Variants in UBTD1 observed in about 807,000 individuals in gnomAD.
UBTD1 encodes ubiquitin domain containing 1.
UBTD1 carries 19 observed loss-of-function variants against 21.7 expected under a neutral mutation model. That is an observed-to-expected ratio of 0.87 (90% CI 0.61 to 1.28). UBTD1 has a LOEUF of 1.28. Among genes scored for constraint, UBTD1 ranks in the 50% most tolerant of loss-of-function variants. The pLI is 0.00. For missense variants in UBTD1, 282 were observed against 315.1 expected (o/e 0.89, Z 0.80); for synonymous variants, 116 against 135.1 (o/e 0.86, Z 0.98).
At chr10:97,533,700 GA>G (rs1455659965) in intron 1 of UBTD1, among the ~76,000 whole-genome samples, 1 of 152,114 alleles carries the variant, frequency 6.6e-6, no homozygotes, top group Non-Finnish European at 1.5e-5. Flanking sequence ...GAGGCGGGCA[GA>G]TCACTTGAGG....
At chr10:97,541,186 A>G (rs920240323) in intron 1 of UBTD1, among the ~76,000 whole-genome samples, 2 of 152,184 alleles carry the variant, frequency 1.3e-5, no homozygotes, top group African/African-American at 4.8e-5. Flanking sequence ...AGCATGTAAA[A>G]AAATATCTTA....
chr10:97,499,814 C>T (rs1278799954), intron 1 of UBTD1, among the ~76,000 whole-genome samples: 1 of 152,206 alleles, frequency 6.6e-6, no homozygotes, highest in East Asian at 1.9e-4. Flanking sequence ...TTTTTAGAGC[C>T]TCTCGGCCGT....
intron 1 of UBTD1, among the ~76,000 whole-genome samples, chr10:97,541,469 C>A (rs180840394): frequency 1.1e-4 from 16 of 152,154 alleles, no homozygotes; most frequent in East Asian, 3.9e-4. Context: ...CAGAGCAAGA[C>A]CCTGTCTCAA....
At chr10:97,526,134 G>A (rs2040487215) in intron 1 of UBTD1, among the ~76,000 whole-genome samples, 1 of 152,200 alleles carries the variant, frequency 6.6e-6, no homozygotes, top group African/African-American at 2.4e-5. Flanking sequence ...CGCAGTCATT[G>A]TGTTTGGGGC....
rs1290684847 is a variant in UBTD1 at position 97,528,438 on chromosome 10, G to A, written c.70+29165G>A. Among the ~76,000 whole-genome samples, 8 of 80,564 alleles carry A rather than the reference G, an allele frequency of 9.9e-5. 1 individual carries two copies. Among genetic ancestry groups the A allele is most frequent in the African/African-American group, 1.5e-4 (3 of 20,134 alleles). The allele number at this position is 80,564 out of a possible 152,430, so 52.9% of individuals were successfully genotyped here. ...TCCCTCCCGGACGGGGCGGCTGGCCGGGCAGAGGGGCTCCTCACTTCCCAG... is the reference window on the plus strand; with the variant it reads ...TCCCTCCCGGACGGGGCGGCTGGCCAGGCAGAGGGGCTCCTCACTTCCCAG... On this transcript the variant is annotated intron_variant, in intron 1 of 2. Transcript: ENST00000370664.
chr10:97,536,180 T>C (rs1474534957), intron 1 of UBTD1, among the ~76,000 whole-genome samples: 1 of 151,890 alleles, frequency 6.6e-6, no homozygotes. Context: ...TTAGTAGAGA[T>C]GGGGTTTCAC....
chr10:97,500,590 T>C (rs183992962), intron 1 of UBTD1, among the ~76,000 whole-genome samples: 3 of 152,220 alleles, frequency 2.0e-5, no homozygotes, highest in African/African-American at 7.2e-5. Context: ...GGCCCCATAA[T>C]TGATTTTGCA....
At chr10:97,527,895 C>A (rs1589872742) in intron 1 of UBTD1, among the ~76,000 whole-genome samples, 1 of 152,260 alleles carries the variant, frequency 6.6e-6, no homozygotes, top group East Asian at 1.9e-4. Context: ...CAATCTTCCA[C>A]CTTTCCCCCT....
At chr10:97,567,475 A>G (rs1272531300) in intron 1 of UBTD1, among the ~76,000 whole-genome samples, 1 of 150,892 alleles carries the variant, frequency 6.6e-6, no homozygotes, top group Non-Finnish European at 1.5e-5. Context: ...CCTGACTAAC[A>G]TGGTGAAACC....
intron 1 of UBTD1, among the ~76,000 whole-genome samples, chr10:97,510,394 C>T (rs1258166352): frequency 6.6e-6 from 1 of 152,066 alleles, no homozygotes; most frequent in African/African-American, 2.4e-5. Flanking sequence ...TTTATTATCC[C>T]AGCTCCTCCA....
At chr10:97,516,798 G>A (rs1175010157) in intron 1 of UBTD1, among the ~76,000 whole-genome samples, 3 of 151,922 alleles carry the variant, frequency 2.0e-5, no homozygotes, top group South Asian at 2.1e-4. Context: ...CCATCTCCTC[G>A]CATCTCCTAC....
chr10:97,513,268 A>T (rs1222124323), intron 1 of UBTD1, among the ~76,000 whole-genome samples: 3 of 152,210 alleles, frequency 2.0e-5, no homozygotes, highest in African/African-American at 7.2e-5. Context: ...CAGATGGCTT[A>T]TGGTCTACTT....
At chr10:97,512,533 C>G (rs1320018630) in intron 1 of UBTD1, among the ~76,000 whole-genome samples, 1 of 152,194 alleles carries the variant, frequency 6.6e-6, no homozygotes, top group African/African-American at 2.4e-5. Context: ...TTCTTAGAAA[C>G]CCACATGCTG....
intron 1 of UBTD1, among the ~76,000 whole-genome samples, chr10:97,555,009 G>A (rs1271308454): frequency 6.6e-6 from 1 of 152,194 alleles, no homozygotes; most frequent in Non-Finnish European, 1.5e-5. Context: ...CCCATGTTAG[G>A]AGCAGCAGAC....
chr10:97,547,865 C>T (rs1027485984), intron 1 of UBTD1, among the ~76,000 whole-genome samples: 11 of 151,454 alleles, frequency 7.3e-5, no homozygotes, highest in Admixed American at 6.6e-4. Flanking sequence ...CGCCCAGCCT[C>T]GCAGTTTTCA....
intron 1 of UBTD1, among the ~76,000 whole-genome samples, chr10:97,554,435 T>C (rs1363028590): frequency 2.0e-5 from 3 of 152,082 alleles, no homozygotes; most frequent in East Asian, 1.9e-4. Flanking sequence ...TTAGTAGATA[T>C]GGTGTTTTTC....
rs145583597 is a variant in UBTD1 at position 97,525,539 on chromosome 10, G to T, written c.70+26266G>T. Among the ~76,000 whole-genome samples the T allele has an allele frequency of 7.3e-3, 1,107 of 152,330 alleles. 5 individuals carry two copies. Among genetic ancestry groups the T allele is most frequent in the Middle Eastern group, 0.017 (5 of 294 alleles). On this transcript the variant is annotated intron_variant, in intron 1 of 2. Transcript: ENST00000370664. ...CTTGGAAGCTCATGGAGGGCTAGTG[G>T]CTCAGGTGTGGTCTGAGCCTAGTGG...
At chr10:97,525,997 G>A (rs910669330) in intron 1 of UBTD1, among the ~76,000 whole-genome samples, 2 of 152,168 alleles carry the variant, frequency 1.3e-5, no homozygotes, top group African/African-American at 4.8e-5. Flanking sequence ...CTATTAACAA[G>A]GTTCCTGGCA....
In UBTD1 at chr10:97,503,747, C is replaced by T. The variant is rs2040387279; in HGVS notation, c.70+4474C>T. On this transcript the variant is annotated intron_variant, in intron 1 of 2. Transcript: ENST00000370664. ...CTGCTGGCTGTGAACAGACGTGGTC[C>T]TTGGCCACATGGAGCTTACAGTCTT... is the stretch of plus-strand genomic sequence containing the variant. Among the ~76,000 whole-genome samples the T allele has an allele frequency of 2.6e-5, 4 of 152,294 alleles. No homozygotes were observed. In the South Asian group the frequency reaches 8.3e-4, roughly 32 times the overall value.
Sources: allele counts gnomAD v4.1 joint callset (sites outside exome capture counted in the v4.1 genomes callset), GRCh38; gene constraint gnomAD v4.1.1; transcripts MANE v1.5; gene names NCBI Gene and HGNC (gene_info 2026-07-23, HGNC 2026-07-21).